MTUS1: variants seen among roughly 807,000 people sequenced by gnomAD.
The protein encoded by MTUS1 is microtubule associated scaffold protein 1.
A neutral mutation model predicts 120.8 loss-of-function variants in MTUS1; 109 were observed. That is an observed-to-expected ratio of 0.90 (90% CI 0.77 to 1.06). The LOEUF (loss-of-function observed/expected upper bound fraction) is 1.06. MTUS1 is among the 50% of genes least tolerant of loss of function. The pLI is 0.00. For missense variants in MTUS1, 2,210 were observed against 1,486.3 expected (o/e 1.49, Z -8.01); for synonymous variants, 737 against 550.5 (o/e 1.34, Z -4.74).
At chr8:17,710,712 C>A (rs113159191) in intron 6 of MTUS1, among the ~76,000 whole-genome samples, 1 of 152,180 alleles carries the variant, frequency 6.6e-6, no homozygotes, top group Non-Finnish European at 1.5e-5. Flanking sequence ...AGGTTTTCAA[C>A]TGACTTTGCC....
chr8:17,723,285 T>A (rs973379937), intron 4 of MTUS1: 1 of 248,756 alleles, frequency 4.0e-6, no homozygotes, highest in Non-Finnish European at 8.1e-6. Flanking sequence ...CAAGTTATAT[T>A]AGTCCTATTA....
In MTUS1 at chr8:17,753,862, T is replaced by G. The variant is rs765221491; in HGVS notation, c.1946A>C (p.Glu649Ala). ...GILPVKMESA[E>A]CLEMTYVPNI... ...GGGAACATAGGTCATTTCCAAACAT[T>G]CTGCACTTTCCATTTTAACAGGGAG... The change falls in exon 2 of 15, where the codon GAA becomes GCA. Residue 649 changes from glutamate (E) to alanine (A), a missense_variant. Coordinates refer to ENST00000693296, the MANE Select transcript of MTUS1 (RefSeq NM_001363059.2). 2 of 1,614,228 alleles carry G rather than the reference T, an allele frequency of 1.2e-6. No individual in the cohort carries two copies. Among genetic ancestry groups the G allele is most frequent in the East Asian group, 2.2e-5 (1 of 44,890 alleles).
At position 17,782,452 on chromosome 8, in the gene MTUS1, A is replaced by G. The variant is rs140416547; in HGVS notation, c.-155+18609T>C. ...GCCTCTAGGAAACAAGACTATAATA[A>G]CTTGAATTTTAAGAACTACAAATTC... On this transcript the variant is annotated intron_variant, in intron 1 of 14. Transcript: ENST00000693296. Among the ~76,000 whole-genome samples the G allele has an allele frequency of 1.6e-3, 240 of 152,286 alleles. 1 individual carries two copies. Among genetic ancestry groups the G allele is most frequent in the Non-Finnish European group, 2.8e-3 (191 of 68,024 alleles).
chr8:17,711,331 C>A (rs1380511600), intron 6 of MTUS1, among the ~76,000 whole-genome samples: 1 of 152,152 alleles, frequency 6.6e-6, no homozygotes, highest in East Asian at 1.9e-4. Flanking sequence ...TCAAATGATC[C>A]CAGCTAGATC....
Position 17,753,987 on chromosome 8 carries a change from G to T in MTUS1, c.1821C>A (p.Ala607=). 1 of 1,614,106 alleles carries T rather than the reference G, an allele frequency of 6.2e-7. No individual in the cohort carries two copies. The highest frequency in any genetic ancestry group is 8.5e-7 in the Non-Finnish European group (1 of 1,180,024). The change falls in exon 2 of 15, where the codon GCC becomes GCA. Residue 607 remains alanine, a synonymous_variant. Transcript: ENST00000693296. ...CAACATCTTCCTGATTCGATTTCAC[G>T]GCAGATGTTGTTCTTGGAACCCTGT... ...ASHRVPRTTS[A]VKSNQEDVDK...
chr8:17,798,160 TCA>T (rs566142648), intron 1 of MTUS1, among the ~76,000 whole-genome samples: 1 of 152,136 alleles, frequency 6.6e-6, no homozygotes, highest in African/African-American at 2.4e-5. Flanking sequence ...TGAAAAACAT[TCA>T]GTCTTAGGGA....
intron 6 of MTUS1, among the ~76,000 whole-genome samples, chr8:17,710,264 A>G (rs778466166): frequency 1.4e-4 from 22 of 152,154 alleles, no homozygotes; most frequent in Admixed American, 2.6e-4. Context: ...ATGCTGTTTC[A>G]TAGCATTTTA....
intron 3 of MTUS1, among the ~76,000 whole-genome samples, chr8:17,741,194 T>C (rs141198076): frequency 1.3e-5 from 2 of 152,188 alleles, no homozygotes; most frequent in African/African-American, 4.8e-5. Flanking sequence ...CTTCATCTTT[T>C]TCTAAGGGCA....
intron 6 of MTUS1, chr8:17,697,851 T>A (rs2130885435): frequency 2.2e-6 from 1 of 459,364 alleles, no homozygotes; most frequent in Non-Finnish European, 2.9e-6. Context: ...TAGAAAAAAA[T>A]TAGGATTTCC....
intron 1 of MTUS1, among the ~76,000 whole-genome samples, chr8:17,761,715 C>T (rs2049050439): frequency 6.6e-6 from 1 of 152,118 alleles, no homozygotes; most frequent in East Asian, 1.9e-4. Context: ...ACTTTATAAC[C>T]ACACAGAATG....
chr8:17,741,619 TAAC>T (rs918512487), intron 3 of MTUS1, among the ~76,000 whole-genome samples: 1 of 152,198 alleles, frequency 6.6e-6, no homozygotes, highest in African/African-American at 2.4e-5. Flanking sequence ...TAAAAGGACT[TAAC>T]AACTACTTCC....
chr8:17,676,050 A>G, intron 7 of MTUS1: 1 of 512,474 alleles, frequency 2.0e-6, no homozygotes, highest in Non-Finnish European at 3.5e-6. Context: ...GGGAGTAACT[A>G]AAAAAAAAAT....
At chr8:17,647,234 A>T in intron 13 of MTUS1, 155 bp from the exon 14 acceptor site, 1 of 588,418 alleles carries the variant, frequency 1.7e-6, no homozygotes, top group Non-Finnish European at 2.9e-6. Flanking sequence ...ACATACTGAA[A>T]AAGATTTTAA....
intron 2 of MTUS1, among the ~76,000 whole-genome samples, chr8:17,745,693 C>G (rs889624360): frequency 1.3e-5 from 2 of 152,210 alleles, no homozygotes; most frequent in Non-Finnish European, 2.9e-5. Context: ...TGGGGGCTCT[C>G]TCTACACATC....
intron 3 of MTUS1, among the ~76,000 whole-genome samples, chr8:17,731,656 A>G (rs1245455913): frequency 6.6e-6 from 1 of 152,212 alleles, no homozygotes; most frequent in Non-Finnish European, 1.5e-5. Context: ...AAAAAAAATT[A>G]AGAAATCACC....
chr8:17,663,059 A>G (rs1321217724), intron 8 of MTUS1, among the ~76,000 whole-genome samples: 1 of 148,610 alleles, frequency 6.7e-6, no homozygotes, highest in African/African-American at 2.5e-5. Context: ...TATCTCAGCA[A>G]GAAAAAAAAA....
chr8:17,697,388 C>T (rs374697872), intron 6 of MTUS1: 2 of 1,613,368 alleles, frequency 1.2e-6, no homozygotes, highest in Non-Finnish European at 1.7e-6. Flanking sequence ...GTCTTCGGAG[C>T]AGGTGGCGAG....
chr8:17,751,738 G>C (rs1193467791), intron 2 of MTUS1, among the ~76,000 whole-genome samples: 2 of 151,480 alleles, frequency 1.3e-5, no homozygotes, highest in Non-Finnish European at 2.9e-5. Context: ...CACGCCTGTA[G>C]TCCCAGCTAC....
intron 8 of MTUS1, among the ~76,000 whole-genome samples, chr8:17,661,711 G>A (rs555506111): frequency 1.3e-5 from 2 of 152,190 alleles, no homozygotes; most frequent in South Asian, 2.1e-4. Context: ...GGGAAGAAAC[G>A]GGAAAGAGAA....
Sources: gnomAD v4.1 joint callset for allele counts (sites outside exome capture counted in the v4.1 genomes callset) on GRCh38, gnomAD v4.1.1 for gene constraint, MANE v1.5 for transcripts, NCBI Gene and HGNC (gene_info 2026-07-23, HGNC 2026-07-21) for gene names.